Variants in MYO16 observed in about 807,000 individuals in gnomAD.
The protein encoded by MYO16 is unconventional myosin-XVI.
MYO16 carries 94 observed loss-of-function variants against 205.3 expected under a neutral mutation model. That is an observed-to-expected ratio of 0.46 (90% CI 0.39 to 0.54). The LOEUF is 0.54. Ranked by LOEUF, MYO16 falls within the 20% of genes least tolerant of loss-of-function variation. The pLI, the probability that MYO16 is intolerant of heterozygous loss-of-function variation, is 0.00. For missense variants in MYO16, 2,315 were observed against 2,387.5 expected (o/e 0.97, Z 0.63); for synonymous variants, 988 against 954.0 (o/e 1.04, Z -0.66).
intron 27 of MYO16, among the ~76,000 whole-genome samples, chr13:109,089,052 A>C (rs577792095): frequency 2.0e-5 from 3 of 151,996 alleles, no homozygotes; most frequent in Non-Finnish European, 4.4e-5. Context: ...CTAGTAACAA[A>C]AACAACCACC....
At chr13:109,139,278 G>A (rs544799985) in intron 31 of MYO16, among the ~76,000 whole-genome samples, 10 of 152,266 alleles carry the variant, frequency 6.6e-5, no homozygotes, top group South Asian at 2.1e-4. Context: ...AAATAATCAC[G>A]CTTACCCATT....
intron 14 of MYO16, among the ~76,000 whole-genome samples, chr13:108,888,809 C>T (rs557106587): frequency 9.9e-5 from 15 of 152,194 alleles, no homozygotes; most frequent in Non-Finnish European, 4.4e-5. Context: ...AATCCCAGCA[C>T]TCTGGGAGGC....
Position 108,901,509 on chromosome 13 carries a change from T to C in MYO16, c.1777+3376T>C, listed in dbSNP as rs535318721. On this transcript the variant is annotated intron_variant, in intron 15 of 34. Transcript: ENST00000457511. The stretch of plus-strand genomic sequence containing the variant: ...CCTGATAGTTCAAGGCCCAGAAAAG[T>C]TCTCTGAATCATTAAGGAACTGTGA... Among the ~76,000 whole-genome samples, 149 of 152,288 alleles carry C rather than the reference T, an allele frequency of 9.8e-4. 2 individuals carry two copies. In the Middle Eastern group the frequency reaches 0.027, roughly 28 times the overall value.
chr13:108,610,563 T>C (rs570685764), intron 1 of MYO16, among the ~76,000 whole-genome samples: 1 of 152,284 alleles, frequency 6.6e-6, no homozygotes, highest in Admixed American at 6.5e-5. Flanking sequence ...CTAAAATCAT[T>C]TCAAATTGCA....
chr13:108,753,152 G>A (rs1229845028), intron 4 of MYO16, among the ~76,000 whole-genome samples: 2 of 151,388 alleles, frequency 1.3e-5, no homozygotes, highest in South Asian at 2.1e-4. Context: ...GGTGGATCAC[G>A]AGGTCAGCAG....
intron 2 of MYO16, among the ~76,000 whole-genome samples, chr13:108,679,711 C>CA (rs5806751): frequency 0.045 from 6,093 of 136,010 alleles, 140 homozygotes; most frequent in Non-Finnish European, 0.052. Context: ...CTTGGTTCTG[C>CA]AAAAAAAAAA....
At chr13:108,836,237 T>A (rs1594331582) in intron 9 of MYO16, among the ~76,000 whole-genome samples, 1 of 152,096 alleles carries the variant, frequency 6.6e-6, no homozygotes, top group African/African-American at 2.4e-5. Context: ...CTTCGGAGGG[T>A]GCAAGCCCCA....
At chr13:109,003,384 C>G (rs896657612) in intron 21 of MYO16, among the ~76,000 whole-genome samples, 1 of 152,102 alleles carries the variant, frequency 6.6e-6, no homozygotes, top group South Asian at 2.1e-4. Context: ...CAAAGATCAC[C>G]CTATGCCACA....
intron 4 of MYO16, among the ~76,000 whole-genome samples, chr13:108,740,490 C>T (rs1314688851): frequency 6.6e-6 from 1 of 152,160 alleles, no homozygotes; most frequent in African/African-American, 2.4e-5. Context: ...GATCATTCCT[C>T]TGGAAGCTTC....
chr13:109,161,075 G>A (rs923061982), intron 32 of MYO16, among the ~76,000 whole-genome samples: 2 of 152,214 alleles, frequency 1.3e-5, no homozygotes, highest in African/African-American at 4.8e-5. Context: ...CTAACTGGGA[G>A]AAGGGTGTTT....
intron 2 of MYO16, among the ~76,000 whole-genome samples, chr13:108,691,159 C>A (rs1882881012): frequency 6.6e-6 from 1 of 151,934 alleles, no homozygotes; most frequent in East Asian, 1.9e-4. Context: ...AAGGCATTGC[C>A]CAAAGGTCTG....
intron 22 of MYO16, among the ~76,000 whole-genome samples, chr13:109,017,336 T>A (rs1885864238): frequency 6.6e-6 from 1 of 152,254 alleles, no homozygotes; most frequent in Non-Finnish European, 1.5e-5. Flanking sequence ...AGAGATCCAC[T>A]GTTAGTCTGA....
intron 2 of MYO16, among the ~76,000 whole-genome samples, chr13:108,706,202 G>A (rs1883502699): frequency 6.6e-6 from 1 of 152,164 alleles, no homozygotes. Context: ...AATGGAAAGT[G>A]TAGGACTAAA....
intron 20 of MYO16, among the ~76,000 whole-genome samples, chr13:108,979,515 G>A (rs1884383974): frequency 6.6e-6 from 1 of 151,956 alleles, no homozygotes; most frequent in African/African-American, 2.4e-5. Context: ...ATTAAATAAT[G>A]AGATTTCTTT....
At chr13:108,601,729 C>T (rs867371234) in intron 1 of MYO16, among the ~76,000 whole-genome samples, 3 of 152,024 alleles carry the variant, frequency 2.0e-5, no homozygotes, top group Non-Finnish European at 2.9e-5. Context: ...TATTTCTAGT[C>T]CTTGTATTTA....
chr13:109,173,023 T>C (rs1277691203), intron 33 of MYO16, among the ~76,000 whole-genome samples: 1 of 152,202 alleles, frequency 6.6e-6, no homozygotes, highest in Admixed American at 6.5e-5. Context: ...CTGGGATGAA[T>C]AGAAGCAGGA....
chr13:108,815,968 G>T (rs1314165182), intron 7 of MYO16, among the ~76,000 whole-genome samples: 1 of 152,126 alleles, frequency 6.6e-6, no homozygotes, highest in Non-Finnish European at 1.5e-5. Flanking sequence ...GTAGATCAAT[G>T]GAACCTAAAA....
intron 1 of MYO16, among the ~76,000 whole-genome samples, chr13:108,649,073 G>A (rs184108164): frequency 6.7e-6 from 1 of 149,316 alleles, no homozygotes; most frequent in East Asian, 2.0e-4. Context: ...AGGGCCTGTT[G>A]TGGGATGGGG....
At chr13:109,023,687 A>G (rs1428573725) in intron 23 of MYO16, among the ~76,000 whole-genome samples, 1 of 120,996 alleles carries the variant, frequency 8.3e-6, no homozygotes. Flanking sequence ...GTATATATAC[A>G]TATATATGTA....
Sources: gnomAD v4.1 joint callset for allele counts (sites outside exome capture counted in the v4.1 genomes callset) on GRCh38, gnomAD v4.1.1 for gene constraint, MANE v1.5 for transcripts, NCBI Gene and HGNC (gene_info 2026-07-23, HGNC 2026-07-21) for gene names.